The following LRP12 variants were observed in gnomAD, a reference collection of about 807,000 sequenced individuals.
LRP12 encodes the protein LDL receptor related protein 12, also known as low-density lipoprotein receptor-related protein 12.
In LRP12, 14 loss-of-function variants were observed where a neutral mutation model predicts 66.0. That is an observed-to-expected ratio of 0.21 (90% confidence interval 0.14 to 0.33). The LOEUF is 0.33. Among genes scored for constraint, LRP12 ranks in the 10% least tolerant of loss-of-function variants. The probability of loss-of-function intolerance (pLI) is 1.00; values close to 1 mark genes in which losing one functional copy is unlikely to be tolerated. For synonymous variants in LRP12, 357 were observed against 359.1 expected (o/e 0.99, Z 0.07); for missense variants, 889 against 1,053.4 (o/e 0.84, Z 2.16).
In LRP12 at chr8:104,491,366, GACA is replaced by G; in HGVS notation, c.1884_1886del (p.Val629del). 6.2e-7 allele frequency: 1 copy of G among 1,614,026 alleles called. No homozygotes were observed. On this transcript the variant is annotated inframe_deletion, in exon 7 of 7. Transcript: ENST00000276654. The stretch of plus-strand genomic sequence containing the variant: ...GTTCTCTACTGGTACTCTGACTAGG[GACA>G]ACCTCATCTCCATCTGCTGAGACCA...
At chr8:104,573,690 AAAT>A (rs1325997721) in intron 1 of LRP12, among the ~76,000 whole-genome samples, 2 of 151,980 alleles carry the variant, frequency 1.3e-5, no homozygotes, top group African/African-American at 2.4e-5. Flanking sequence ...TTAAAAGGCA[AAAT>A]AATAATAACT....
chr8:104,576,337 T>C (rs1030555312), intron 1 of LRP12, among the ~76,000 whole-genome samples: 1 of 151,594 alleles, frequency 6.6e-6, no homozygotes, highest in Non-Finnish European at 1.5e-5. Context: ...AAGGTCAAAA[T>C]GAAAGAAAAA....
intron 1 of LRP12, 150 bp from the exon 2 acceptor site, chr8:104,532,113 G>A: frequency 5.7e-6 from 3 of 526,400 alleles, no homozygotes; most frequent in East Asian, 3.2e-5. Context: ...GACAATACTA[G>A]GAAGCTCAAA....
rs750326644 is a variant in LRP12, at chr8:104,498,000, T to C, written c.552A>G (p.Lys184=). Residue 184 remains lysine (K), a synonymous_variant, in exon 5 of 7, where the codon AAA becomes AAG. Coordinates refer to ENST00000276654, the MANE Select transcript of LRP12 (RefSeq NM_013437.5). This position sits in a 1 kb window ranked among gnomAD's most constrained non-coding sequence, Gnocchi z 4.3. Reference sequence around the variant, plus strand: ...CTCCACATTCATCCATGTTATTACATTTCCAGGCTTCTGGTATACACTTTC... The same window carrying C: ...CTCCACATTCATCCATGTTATTACACTTCCAGGCTTCTGGTATACACTTTC... ...GNGKCIPEAW[K]CNNMDECGDS... is the part of the protein sequence containing the mutation. 2.5e-6 allele frequency: 4 copies of C among 1,614,200 alleles called. No homozygotes were observed. Among genetic ancestry groups the C allele is most frequent in the Admixed American group, 3.3e-5 (2 of 60,034 alleles).
intron 1 of LRP12, among the ~76,000 whole-genome samples, chr8:104,547,628 TAA>T (rs1811609292): frequency 8.0e-6 from 1 of 125,762 alleles, no homozygotes; most frequent in African/African-American, 3.1e-5. Context: ...TATTAATATA[TAA>T]TAAATATATA....
At chr8:104,535,733 TAC>T (rs1228873152) in intron 1 of LRP12, among the ~76,000 whole-genome samples, 1 of 151,936 alleles carries the variant, frequency 6.6e-6, no homozygotes, top group Admixed American at 6.6e-5. Flanking sequence ...AACATTCAAA[TAC>T]ACAGTCATTA....
chr8:104,493,156 G>A (rs1810664165), intron 6 of LRP12, among the ~76,000 whole-genome samples: 1 of 152,156 alleles, frequency 6.6e-6, no homozygotes, highest in Non-Finnish European at 1.5e-5. Context: ...TTTATGAGGG[G>A]ATCTCACGAA....
At chr8:104,543,191 T>C (rs1194641559) in intron 1 of LRP12, among the ~76,000 whole-genome samples, 2 of 152,050 alleles carry the variant, frequency 1.3e-5, no homozygotes. Flanking sequence ...AGTGTTGTTT[T>C]TCTGTTGTTG....
intron 2 of LRP12, among the ~76,000 whole-genome samples, chr8:104,525,115 T>C (rs1811212213): frequency 6.6e-6 from 1 of 152,090 alleles, no homozygotes; most frequent in Non-Finnish European, 1.5e-5. Context: ...TGCAATTAAA[T>C]TACTTGGCAG....
At chr8:104,493,418 G>A (rs1048166328) in intron 6 of LRP12, among the ~76,000 whole-genome samples, 18 of 152,238 alleles carry the variant, frequency 1.2e-4, no homozygotes, top group African/African-American at 3.9e-4. Context: ...ATTCTCCCAC[G>A]AGGGTACATA....
At chr8:104,491,866 A>G (rs1810637621) in intron 6 of LRP12, among the ~76,000 whole-genome samples, 1 of 152,210 alleles carries the variant, frequency 6.6e-6, no homozygotes, top group Non-Finnish European at 1.5e-5. Context: ...TGAAAAGTGT[A>G]CCAAAGCTAG....
intron 6 of LRP12, among the ~76,000 whole-genome samples, chr8:104,492,332 T>A (rs992165423): frequency 1.3e-5 from 2 of 152,202 alleles, no homozygotes; most frequent in Admixed American, 1.3e-4. Flanking sequence ...AAAAAATCTA[T>A]TCTTTTTTCT....
chr8:104,571,242 AC>A (rs1812076247), intron 1 of LRP12, among the ~76,000 whole-genome samples: 1 of 152,034 alleles, frequency 6.6e-6, no homozygotes, highest in Non-Finnish European at 1.5e-5. Flanking sequence ...GGAGTCCCTA[AC>A]CCCCAGGCTG....
intron 1 of LRP12, among the ~76,000 whole-genome samples, chr8:104,568,983 T>C (rs1010104290): frequency 1.3e-5 from 2 of 152,180 alleles, no homozygotes; most frequent in Admixed American, 6.5e-5. Flanking sequence ...CAAATATTCA[T>C]AGCATTATTC....
intron 4 of LRP12, among the ~76,000 whole-genome samples, chr8:104,498,985 C>A (rs1490781627): frequency 6.6e-6 from 1 of 152,096 alleles, no homozygotes; most frequent in Non-Finnish European, 1.5e-5. Flanking sequence ...AAAACAATGA[C>A]AATTACCACA....
intron 1 of LRP12, chr8:104,566,275 G>T: frequency 2.4e-6 from 1 of 424,684 alleles, no homozygotes; most frequent in Non-Finnish European, 3.9e-6. Flanking sequence ...AGAACCAGAT[G>T]TTAAAAAATT....
intron 6 of LRP12, among the ~76,000 whole-genome samples, chr8:104,493,267 C>A (rs1810666116): frequency 6.6e-6 from 1 of 152,204 alleles, no homozygotes; most frequent in African/African-American, 2.4e-5. Context: ...TACATCATTA[C>A]TTATTTTTTC....
At chr8:104,503,266 G>C (rs1810855334) in intron 3 of LRP12, among the ~76,000 whole-genome samples, 1 of 136,390 alleles carries the variant, frequency 7.3e-6, no homozygotes, top group African/African-American at 2.8e-5. Context: ...GGCAAAGGTT[G>C]CAGTGAGCCA....
rs146897880 is a variant in LRP12, at chr8:104,588,964, A to ACGCCGCCGCCGC, written c.-68_-67insGCGGCGGCGGCG. Reference sequence around the variant, plus strand: ...AGGGAGGAGAAGCTGGAGGTAGACGACGCCGACGCCGCCGCCGCCGCCGCC... The same window carrying ACGCCGCCGCCGC: ...AGGGAGGAGAAGCTGGAGGTAGACGACGCCGCCGCCGCCGCCGACGCCGCCGCCGCCGCCGCC... On this transcript the variant is annotated 5_prime_UTR_variant, in exon 1 of 7. Coordinates refer to ENST00000276654, the MANE Select transcript of LRP12 (RefSeq NM_013437.5). 1.3e-3 allele frequency: 1,162 copies of ACGCCGCCGCCGC among 905,762 alleles called. 11 individuals are homozygous for ACGCCGCCGCCGC. Among genetic ancestry groups the ACGCCGCCGCCGC allele is most frequent in the East Asian group, 8.0e-3 (226 of 28,336 alleles). The allele number at this position is 905,762 out of a possible 1,614,324, so 56.1% of individuals were successfully genotyped here. A position where few individuals can be genotyped will look rare whatever the true frequency, so the allele number is the denominator to read the frequency against.
Sources: allele counts gnomAD v4.1 joint callset (sites outside exome capture counted in the v4.1 genomes callset), GRCh38; gene constraint gnomAD v4.1.1; non-coding constraint Gnocchi (gnomAD v3.1); transcripts MANE v1.5; gene names NCBI Gene and HGNC (gene_info 2026-07-23, HGNC 2026-07-21).